The following PTPRD variants were observed in gnomAD, a reference collection of about 807,000 sequenced individuals.
PTPRD encodes receptor-type tyrosine-protein phosphatase delta.
PTPRD carries 34 observed loss-of-function variants against 214.5 expected under a neutral mutation model. That is an observed-to-expected ratio of 0.16 (90% CI 0.12 to 0.21). The LOEUF (loss-of-function observed/expected upper bound fraction) is 0.21. Ranked by LOEUF, PTPRD falls within the 10% of genes least tolerant of loss-of-function variation. The pLI is 1.00. For synonymous variants in PTPRD, 1,128 were observed against 845.7 expected (o/e 1.33, Z -5.79); for missense variants, 2,545 against 2,398.7 (o/e 1.06, Z -1.27).
chr9:9,741,320 A>G (rs10977943), intron 6 of PTPRD, among the ~76,000 whole-genome samples: 6,195 of 151,638 alleles, frequency 0.041, 732 homozygotes, highest in East Asian at 0.4. Flanking sequence ...AATAACCAAT[A>G]ATAGATACAC....
intron 3 of PTPRD, among the ~76,000 whole-genome samples, chr9:10,165,482 T>A (rs2099153224): frequency 6.6e-6 from 1 of 151,740 alleles, no homozygotes; most frequent in Non-Finnish European, 1.5e-5. Flanking sequence ...GTAGAAAAAA[T>A]ATTTAGCTCT....
At chr9:10,078,066 A>C (rs942091164) in intron 3 of PTPRD, among the ~76,000 whole-genome samples, 2 of 152,066 alleles carry the variant, frequency 1.3e-5, no homozygotes, top group African/African-American at 4.8e-5. Flanking sequence ...CTGGAGATGG[A>C]ATAATTCCAA....
At chr9:8,652,575 A>G (rs2096834170) in intron 12 of PTPRD, among the ~76,000 whole-genome samples, 1 of 152,224 alleles carries the variant, frequency 6.6e-6, no homozygotes. Flanking sequence ...CAACAGAATG[A>G]CACCATTTTA....
intron 8 of PTPRD, among the ~76,000 whole-genome samples, chr9:9,525,734 T>C (rs1035383846): frequency 6.6e-6 from 1 of 152,080 alleles, no homozygotes; most frequent in Non-Finnish European, 1.5e-5. Context: ...TCTAGAAATA[T>C]GTATAAAAGA....
At chr9:10,074,749 C>G (rs1267198825) in intron 3 of PTPRD, among the ~76,000 whole-genome samples, 2 of 152,056 alleles carry the variant, frequency 1.3e-5, no homozygotes, top group Non-Finnish European at 2.9e-5. Context: ...GCTTATGTTT[C>G]CAAACCAGAG....
chr9:8,774,140 G>A (rs955443837), intron 11 of PTPRD, among the ~76,000 whole-genome samples: 2 of 152,252 alleles, frequency 1.3e-5, no homozygotes, highest in Admixed American at 1.3e-4. Flanking sequence ...TTTGTAAACT[G>A]GGGATAATAC....
chr9:9,058,721 C>T (rs201786689), intron 10 of PTPRD, among the ~76,000 whole-genome samples: 280 of 151,546 alleles, frequency 1.8e-3, no homozygotes, highest in Non-Finnish European at 2.9e-3. Flanking sequence ...AGTGCTGGGA[C>T]TACAGGCGTG....
chr9:10,467,426 T>A (rs1453347675), intron 2 of PTPRD, among the ~76,000 whole-genome samples: 1 of 152,164 alleles, frequency 6.6e-6, no homozygotes, highest in East Asian at 1.9e-4. Context: ...AAGAATCTTC[T>A]CCACAAGTCT....
At chr9:9,098,248 T>A (rs1020791869) in intron 10 of PTPRD, among the ~76,000 whole-genome samples, 1 of 152,092 alleles carries the variant, frequency 6.6e-6, no homozygotes, top group African/African-American at 2.4e-5. Context: ...TATTCTTTTG[T>A]CCATAAATAG....
chr9:9,528,221 C>T (rs1157035214), intron 8 of PTPRD, among the ~76,000 whole-genome samples: 1 of 152,146 alleles, frequency 6.6e-6, no homozygotes, highest in African/African-American at 2.4e-5. Flanking sequence ...GAGCAATTGT[C>T]TGTGTATTCA....
At chr9:9,499,557 T>TCCC (rs2096330413) in intron 8 of PTPRD, among the ~76,000 whole-genome samples, 1 of 152,136 alleles carries the variant, frequency 6.6e-6, no homozygotes, top group Non-Finnish European at 1.5e-5. Context: ...GACATTATTT[T>TCCC]TGCTGGTAAA....
chr9:9,654,241 A>C (rs1433368306), intron 7 of PTPRD, among the ~76,000 whole-genome samples: 1 of 152,292 alleles, frequency 6.6e-6, no homozygotes, highest in Non-Finnish European at 1.5e-5. Flanking sequence ...TATCTTTAGT[A>C]AGAGTGAGAA....
chr9:8,375,799 C>A, intron 39 of PTPRD, 137 bp downstream of exon 39: 4 of 960,746 alleles, frequency 4.2e-6, no homozygotes, highest in East Asian at 5.4e-5. Flanking sequence ...TTAGCATAGG[C>A]CTCATTTGAC....
intron 10 of PTPRD, among the ~76,000 whole-genome samples, chr9:9,046,928 C>A (rs757943610): frequency 2.6e-5 from 4 of 151,900 alleles, no homozygotes; most frequent in African/African-American, 4.8e-5. Context: ...AGCAATCAGA[C>A]AAGAGAAAGA....
chr9:10,516,880 C>CA (rs2050304390), intron 2 of PTPRD, among the ~76,000 whole-genome samples: 1 of 151,842 alleles, frequency 6.6e-6, no homozygotes, highest in Admixed American at 6.6e-5. Context: ...GTCAGTTGAC[C>CA]AATCATGCGT....
At chr9:8,476,554 T>G (rs909788442) in intron 30 of PTPRD, among the ~76,000 whole-genome samples, 2 of 152,206 alleles carry the variant, frequency 1.3e-5, no homozygotes, top group African/African-American at 4.8e-5. Flanking sequence ...CTTAAATATC[T>G]ACTAACTGAT....
chr9:8,345,806 GT>G (rs1588232817), intron 39 of PTPRD, among the ~76,000 whole-genome samples: 1 of 151,964 alleles, frequency 6.6e-6, no homozygotes, highest in African/African-American at 2.4e-5. Flanking sequence ...GCCTCAGTAT[GT>G]TTCGTTTTGT....
chr9:8,399,630 A>G (rs2129931113), intron 36 of PTPRD, among the ~76,000 whole-genome samples: 1 of 152,296 alleles, frequency 6.6e-6, no homozygotes, highest in Non-Finnish European at 1.5e-5. Context: ...TTTGACTTGG[A>G]GTCTAAGAAC....
intron 35 of PTPRD, among the ~76,000 whole-genome samples, chr9:8,422,852 T>C (rs1015411792): frequency 1.3e-5 from 2 of 152,204 alleles, no homozygotes; most frequent in Non-Finnish European, 2.9e-5. Context: ...AATTAATTAC[T>C]GGTAGTGGGT....
Sources: allele counts gnomAD v4.1 joint callset (sites outside exome capture counted in the v4.1 genomes callset), GRCh38; gene constraint gnomAD v4.1.1; transcripts MANE v1.5; gene names NCBI Gene and HGNC (gene_info 2026-07-23, HGNC 2026-07-21).